The following TMEM131 variants were observed in gnomAD, a reference collection of about 807,000 sequenced individuals.
TMEM131 encodes the protein transmembrane protein 131.
TMEM131 carries 66 observed loss-of-function variants against 211.6 expected under a neutral mutation model. The observed-to-expected ratio is 0.31, with a 90% CI of 0.26 to 0.38. The LOEUF is 0.38. TMEM131 is among the 10% of genes least tolerant of loss of function. TMEM131 has a pLI of 1.00. For missense variants in TMEM131, 2,036 were observed against 2,299.3 expected (o/e 0.89, Z 2.34); for synonymous variants, 844 against 841.3 (o/e 1.00, Z -0.06).
intron 11 of TMEM131, among the ~76,000 whole-genome samples, chr2:97,822,552 G>A (rs552590871): frequency 7.0e-4 from 106 of 152,184 alleles, no homozygotes; most frequent in Non-Finnish European, 1.1e-3. Flanking sequence ...AGAATGCGTC[G>A]GTAAGGGCCA....
rs561614743 is a variant in TMEM131 at position 97,850,926 on chromosome 2, T to C, written c.484-6665A>G. Among the ~76,000 whole-genome samples, 5 of 151,960 alleles carry C rather than the reference T, an allele frequency of 3.3e-5. No homozygotes were observed. The South Asian group carries it at 8.3e-4, about 25-fold the overall frequency. On this transcript the variant is annotated intron_variant, in intron 5 of 40. Coordinates refer to ENST00000186436, the MANE Select transcript of TMEM131 (RefSeq NM_015348.2). ...TCAAACAATACCCTTTTAAGGCCCATCTAAACTCCAAAGAGTTAGAAAAAT... is the reference window on the plus strand; with the variant it reads ...TCAAACAATACCCTTTTAAGGCCCACCTAAACTCCAAAGAGTTAGAAAAAT...
intron 1 of TMEM131, among the ~76,000 whole-genome samples, chr2:97,976,960 C>CAAAAAA (rs34708023): frequency 1.8e-5 from 2 of 112,184 alleles, no homozygotes; most frequent in Non-Finnish European, 1.8e-5. Context: ...TATTTATATG[C>CAAAAAA]AAAAAAAAAA....
chr2:97,959,602 A>T (rs1678728315), intron 1 of TMEM131, among the ~76,000 whole-genome samples: 1 of 151,974 alleles, frequency 6.6e-6, no homozygotes, highest in Admixed American at 6.6e-5. Context: ...AACCATTTGA[A>T]AGCAGGCTAC....
intron 31 of TMEM131, among the ~76,000 whole-genome samples, chr2:97,776,948 G>A (rs1679766487): frequency 6.6e-6 from 1 of 152,232 alleles, no homozygotes; most frequent in South Asian, 2.1e-4. Context: ...ACTATGTAAT[G>A]TTGTGTATAT....
intron 1 of TMEM131, among the ~76,000 whole-genome samples, chr2:97,977,916 G>A (rs749134570): frequency 3.9e-5 from 6 of 152,026 alleles, no homozygotes; most frequent in East Asian, 1.9e-4. Context: ...TGAAACCCCC[G>A]TCTCTATTAA....
intron 1 of TMEM131, among the ~76,000 whole-genome samples, chr2:97,968,248 T>G (rs988181009): frequency 1.3e-5 from 2 of 152,126 alleles, no homozygotes; most frequent in Admixed American, 1.3e-4. Flanking sequence ...AGTGACCAGA[T>G]AAGAACCGAG....
intron 32 of TMEM131, among the ~76,000 whole-genome samples, chr2:97,773,302 G>A (rs1021418085): frequency 1.3e-5 from 2 of 152,216 alleles, no homozygotes; most frequent in African/African-American, 4.8e-5. Flanking sequence ...CTTGGTGCCA[G>A]GCCATAGGAT....
chr2:97,808,413 C>G (rs930042006), intron 19 of TMEM131, among the ~76,000 whole-genome samples: 1 of 152,142 alleles, frequency 6.6e-6, no homozygotes. Context: ...TGGACTGCAC[C>G]ATCTTCTTGC....
chr2:97,890,411 C>G (rs1675329991), intron 3 of TMEM131, among the ~76,000 whole-genome samples: 1 of 152,118 alleles, frequency 6.6e-6, no homozygotes, highest in Non-Finnish European at 1.5e-5. Flanking sequence ...ACAGGTTGTG[C>G]TGATGGATTG....
In TMEM131 at chr2:97,961,841, A is replaced by G. The variant is rs1011124976; in HGVS notation, c.187+33635T>C. ...CTGAATATGCAAATGCACTTTAAAA[A>G]GTGAACTTACGGGAAATTGTAGGTC... On this transcript the variant is annotated intron_variant, in intron 1 of 40. Coordinates refer to ENST00000186436, the MANE Select transcript of TMEM131 (RefSeq NM_015348.2). Among the ~76,000 whole-genome samples, 15 of 152,366 alleles carry G rather than the reference A, an allele frequency of 9.8e-5. No homozygotes were observed. In the South Asian group the frequency reaches 1.9e-3, roughly 19 times the overall value.
Position 97,900,543 on chromosome 2 carries a change from GGAATACTATTAA to G in TMEM131, c.290+8103_290+8114del, listed in dbSNP as rs1278951977. On this transcript the variant is annotated intron_variant, in intron 3 of 40. Coordinates refer to ENST00000186436, the MANE Select transcript of TMEM131 (RefSeq NM_015348.2). ...TAACAGTATTCCACTATATATGTGTGGAATACTATTAAGAATCCACACAGACACACACACATA... is the reference window on the plus strand; with the variant it reads ...TAACAGTATTCCACTATATATGTGTGGAATCCACACAGACACACACACATA... 6.6e-5 allele frequency among the ~76,000 whole-genome samples: 10 copies of G among 151,802 alleles called. No homozygotes were observed. In the East Asian group the frequency reaches 1.9e-3, roughly 29 times the overall value.
At chr2:97,806,136 A>G (rs1469485758) in intron 19 of TMEM131, among the ~76,000 whole-genome samples, 1 of 152,236 alleles carries the variant, frequency 6.6e-6, no homozygotes, top group Non-Finnish European at 1.5e-5. Context: ...GGACAAAATC[A>G]CAATTTTTTT....
rs139626187 is a variant in TMEM131, at chr2:97,768,728, T to A, written c.4449-2126A>T. Among the ~76,000 whole-genome samples the A allele has an allele frequency of 4.9e-3, 749 of 151,818 alleles. 6 individuals are homozygous for A. The highest frequency in any genetic ancestry group is 6.8e-3 in the Middle Eastern group (2 of 292). ...GCCTCAGCCTCCTGAGTAGCTGGGATTACAGGTGTGTGCCACCATGCTTGG... is the reference window on the plus strand; with the variant it reads ...GCCTCAGCCTCCTGAGTAGCTGGGAATACAGGTGTGTGCCACCATGCTTGG... On this transcript the variant is annotated intron_variant, in intron 33 of 40. Transcript: ENST00000186436.
chr2:97,885,985 G>C (rs1675140755), intron 4 of TMEM131, among the ~76,000 whole-genome samples: 1 of 151,688 alleles, frequency 6.6e-6, no homozygotes, highest in African/African-American at 2.4e-5. Flanking sequence ...TTGTCTGCCT[G>C]TGTCATTTCA....
chr2:97,793,525 C>A lies in TMEM131; in HGVS notation c.3415G>T (p.Ala1139Ser). The A allele has an allele frequency of 6.2e-7, 1 of 1,613,570 alleles. No homozygotes were observed. Among genetic ancestry groups the A allele is most frequent in the South Asian group, 1.1e-5 (1 of 91,022 alleles). ...SALFLLVIGT[A>S]YLEAQGIWEP... The stretch of plus-strand genomic sequence containing the variant: ...CATATTCCTTGAGCTTCCAAATAGG[C>A]TGTTCCAATGACCAAAAGAAACAGT... Residue 1139 changes from alanine to serine, a missense_variant, in exon 30 of 41, where the codon GCC (alanine) becomes TCC (serine). By Grantham distance (99) the Ala-to-Ser change is moderately conservative. Transcript: ENST00000186436.
At chr2:97,790,349 T>C (rs879595636) in intron 31 of TMEM131, among the ~76,000 whole-genome samples, 3 of 152,156 alleles carry the variant, frequency 2.0e-5, no homozygotes, top group Admixed American at 6.5e-5. Context: ...CCTTCCTTTT[T>C]CCCAAACAGC....
intron 1 of TMEM131, among the ~76,000 whole-genome samples, chr2:97,976,160 C>A (rs992293092): frequency 6.6e-6 from 1 of 152,150 alleles, no homozygotes; most frequent in Non-Finnish European, 1.5e-5. Flanking sequence ...GAGATGTCCA[C>A]TTTTACTACT....
At position 97,814,348 on chromosome 2, in the gene TMEM131, G is replaced by C; in HGVS notation, c.1333C>G (p.Arg445Gly). ...TCCACAGGATCAGCAGGGCTGTCTC[G>C]GATGTGAAATAATGTTGCAGCATGA... Reference protein sequence around the residue: ...FDHAATLFHIRDSPADPVERP... With the variant: ...FDHAATLFHIGDSPADPVERP... Residue 445 changes from arginine to glycine, a missense_variant, in exon 14 of 41, where the codon CGA becomes GGA. Arg to Gly is a moderately radical substitution (Grantham distance 125, BLOSUM62 -2). Transcript: ENST00000186436. The C allele has an allele frequency of 6.2e-7, 1 of 1,612,708 alleles. No homozygotes were observed. Among genetic ancestry groups the C allele is most frequent in the Non-Finnish European group, 8.5e-7 (1 of 1,179,430 alleles).
intron 32 of TMEM131, among the ~76,000 whole-genome samples, chr2:97,774,879 A>G (rs760513315): frequency 5.9e-5 from 9 of 152,232 alleles, no homozygotes; most frequent in Non-Finnish European, 1.2e-4. Flanking sequence ...GGCTAGGGGT[A>G]GATGGAGGAC....
Sources: allele counts gnomAD v4.1 joint callset (sites outside exome capture counted in the v4.1 genomes callset), GRCh38; gene constraint gnomAD v4.1.1; transcripts MANE v1.5; gene names NCBI Gene and HGNC (gene_info 2026-07-23, HGNC 2026-07-21).